The following WWC2 variants were observed in gnomAD, a reference collection of about 807,000 sequenced individuals.
WWC2 encodes protein WWC2.
In WWC2, 101 loss-of-function variants were observed where a neutral mutation model predicts 138.5. That is an observed-to-expected ratio of 0.73 (90% CI 0.62 to 0.86). The LOEUF (loss-of-function observed/expected upper bound fraction) is 0.86, where lower values mean the gene tolerates loss of function less well. WWC2 is among the 40% of genes least tolerant of loss of function. The probability of loss-of-function intolerance (pLI) is 0.00; values close to 1 mark genes in which losing one functional copy is unlikely to be tolerated. For synonymous variants in WWC2, 558 were observed against 538.4 expected (o/e 1.04, Z -0.50); for missense variants, 1,420 against 1,419.4 (o/e 1.00, Z -0.01).
rs1678536864 is a variant in WWC2 at position 183,317,227 on chromosome 4, A to G, written c.*1498A>G. ...GAATGCTCACTAGCTCACTAGCAAG[A>G]ATTTTTATTTTCTTGAAAGCAATTA... On this transcript the variant is annotated 3_prime_UTR_variant, in exon 23 of 23. Coordinates refer to ENST00000403733, the MANE Select transcript of WWC2 (RefSeq NM_024949.6). 6.6e-6 allele frequency: 1 copy of G among 152,182 alleles called. No individual in the cohort carries two copies. Among genetic ancestry groups the G allele is most frequent in the African/African-American group, 2.4e-5 (1 of 41,452 alleles). 9.4% of individuals were successfully genotyped at this position (152,182 alleles called of 1,614,324 possible). A position where few individuals can be genotyped will look rare whatever the true frequency, so the allele number is the denominator to read the frequency against.
chr4:183,179,533 CTG>C (rs1287173184), intron 1 of WWC2, among the ~76,000 whole-genome samples: 29 of 151,826 alleles, frequency 1.9e-4, no homozygotes, highest in Admixed American at 1.9e-3. Context: ...GTAAATAGGG[CTG>C]TGTTCTGGAG....
At chr4:183,207,152 G>A (rs1020303679) in intron 2 of WWC2, among the ~76,000 whole-genome samples, 1 of 151,022 alleles carries the variant, frequency 6.6e-6, no homozygotes, top group Admixed American at 6.6e-5. Context: ...GAAATCTACC[G>A]TGCCTGGGTT....
chr4:183,210,151 A>G (rs1482712423), intron 4 of WWC2, among the ~76,000 whole-genome samples: 5 of 152,174 alleles, frequency 3.3e-5, no homozygotes, highest in Non-Finnish European at 5.9e-5. Context: ...TCTGATTATT[A>G]AAAATTATGC....
At chr4:183,141,265 CTGCCTTCT>C (rs1238433308) in intron 1 of WWC2, among the ~76,000 whole-genome samples, 1 of 152,160 alleles carries the variant, frequency 6.6e-6, no homozygotes, top group African/African-American at 2.4e-5. Flanking sequence ...CTTGCAGAGA[CTGCCTTCT>C]TGCTGTGTCC....
chr4:183,230,164 G>C (rs1019824224), intron 4 of WWC2, among the ~76,000 whole-genome samples: 1 of 151,788 alleles, frequency 6.6e-6, no homozygotes, highest in East Asian at 1.9e-4. Flanking sequence ...GTCTCGCTAC[G>C]GTACCTAGGC....
intron 4 of WWC2, among the ~76,000 whole-genome samples, chr4:183,227,782 G>A (rs1736114005): frequency 6.6e-6 from 1 of 151,932 alleles, no homozygotes; most frequent in Non-Finnish European, 1.5e-5. Flanking sequence ...TAACCAGAAT[G>A]TTATACACAG....
At chr4:183,099,927 C>T (rs920004136) in intron 1 of WWC2, among the ~76,000 whole-genome samples, 1 of 152,224 alleles carries the variant, frequency 6.6e-6, no homozygotes, top group Non-Finnish European at 1.5e-5. Context: ...TTAGGAACTT[C>T]CCTAGGCTTC....
intron 4 of WWC2, among the ~76,000 whole-genome samples, chr4:183,232,353 A>G (rs1355658166): frequency 1.3e-5 from 2 of 152,132 alleles, no homozygotes; most frequent in African/African-American, 2.4e-5. Context: ...CATTATTGCA[A>G]TCTAACTGTA....
intron 1 of WWC2, among the ~76,000 whole-genome samples, chr4:183,140,652 A>G (rs75707467): frequency 1.3e-5 from 2 of 152,242 alleles, no homozygotes; most frequent in African/African-American, 4.8e-5. Flanking sequence ...TATATAAAGA[A>G]GCATTATTTT....
intron 4 of WWC2, among the ~76,000 whole-genome samples, chr4:183,235,917 G>T (rs1238395168): frequency 1.3e-5 from 2 of 152,090 alleles, no homozygotes; most frequent in Non-Finnish European, 2.9e-5. Context: ...TAATCCAAGT[G>T]ATTTTAAGAC....
intron 4 of WWC2, among the ~76,000 whole-genome samples, chr4:183,238,604 AC>A (rs1192859297): frequency 5.9e-5 from 9 of 151,618 alleles, no homozygotes; most frequent in African/African-American, 2.2e-4. Context: ...TTTGCTGAAT[AC>A]CCCCTCACCC....
intron 1 of WWC2, among the ~76,000 whole-genome samples, chr4:183,165,465 G>C (rs1288749636): frequency 6.6e-6 from 1 of 152,190 alleles, no homozygotes; most frequent in African/African-American, 2.4e-5. Flanking sequence ...ATGTGCTGAG[G>C]AATAGGTACA....
intron 5 of WWC2, among the ~76,000 whole-genome samples, chr4:183,240,976 A>T (rs1158883310): frequency 6.6e-6 from 1 of 152,100 alleles, no homozygotes; most frequent in African/African-American, 2.4e-5. Context: ...GGCCCAGCCT[A>T]TCCAAACCGT....
chr4:183,295,821 C>T (rs954318787), intron 21 of WWC2, among the ~76,000 whole-genome samples: 3 of 152,104 alleles, frequency 2.0e-5, no homozygotes, highest in Non-Finnish European at 2.9e-5. Context: ...TGTTTGTTTT[C>T]GTCCCTATCT....
intron 11 of WWC2, among the ~76,000 whole-genome samples, chr4:183,264,649 T>C (rs1361970033): frequency 2.0e-5 from 3 of 152,154 alleles, no homozygotes; most frequent in East Asian, 1.9e-4. Context: ...TTCCTATTCC[T>C]GAATATATGA....
At chr4:183,266,926 C>T (rs967716527) in intron 14 of WWC2, among the ~76,000 whole-genome samples, 7 of 152,108 alleles carry the variant, frequency 4.6e-5, no homozygotes, top group Non-Finnish European at 1.0e-4. Context: ...TGTAAGTTCA[C>T]CTCCTAACAT....
chr4:183,249,113 G>T (rs1032054821), intron 7 of WWC2, among the ~76,000 whole-genome samples: 1 of 152,044 alleles, frequency 6.6e-6, no homozygotes, highest in African/African-American at 2.4e-5. Flanking sequence ...TTAGAGACAC[G>T]CTGAAAGGCT....
At chr4:183,122,582 C>T (rs959191356) in intron 1 of WWC2, among the ~76,000 whole-genome samples, 5 of 152,062 alleles carry the variant, frequency 3.3e-5, no homozygotes, top group African/African-American at 1.2e-4. Context: ...AGTGCAGGTG[C>T]GATCTCAGCT....
At chr4:183,189,980 AAGG>A (rs1400953153) in intron 1 of WWC2, among the ~76,000 whole-genome samples, 13 of 152,230 alleles carry the variant, frequency 8.5e-5, no homozygotes, top group Admixed American at 5.2e-4. Context: ...TAATGCCAGC[AAGG>A]AGAAGAAATA....
Sources: gnomAD v4.1 joint callset for allele counts (sites outside exome capture counted in the v4.1 genomes callset) on GRCh38, gnomAD v4.1.1 for gene constraint, MANE v1.5 for transcripts, NCBI Gene and HGNC (gene_info 2026-07-23, HGNC 2026-07-21) for gene names.